The following DIAPH3 variants were observed in gnomAD, a reference collection of about 807,000 sequenced individuals.
DIAPH3 encodes diaphanous related formin 3.
A neutral mutation model predicts 144.3 loss-of-function variants in DIAPH3; 117 were observed. The ratio of observed to expected loss-of-function variants is 0.81; its 90% CI spans 0.70 to 0.95. The LOEUF is 0.95. Among genes scored for constraint, DIAPH3 ranks in the 40% least tolerant of loss-of-function variants. DIAPH3 has a pLI of 0.00. For synonymous variants in DIAPH3, 519 were observed against 488.9 expected (o/e 1.06, Z -0.81); for missense variants, 1,421 against 1,412.7 (o/e 1.01, Z -0.09).
chr13:60,111,901 A>C, intron 3 of DIAPH3, 109 bp downstream of exon 3: 2 of 1,059,512 alleles, frequency 1.9e-6, no homozygotes, highest in Non-Finnish European at 2.8e-6. Context: ...AAGTGACATC[A>C]GAAATTAGCC....
chr13:59,826,506 A>C (rs2139675775), intron 24 of DIAPH3, among the ~76,000 whole-genome samples: 1 of 150,584 alleles, frequency 6.6e-6, no homozygotes, highest in South Asian at 2.1e-4. Flanking sequence ...GGAGAACTAC[A>C]AACCACTGCT....
At chr13:59,816,164 G>A (rs1345975887) in intron 24 of DIAPH3, among the ~76,000 whole-genome samples, 1 of 151,836 alleles carries the variant, frequency 6.6e-6, no homozygotes. Context: ...AACTCAATTT[G>A]GACAGGAAGA....
intron 22 of DIAPH3, among the ~76,000 whole-genome samples, chr13:59,847,320 G>A (rs2042699674): frequency 1.3e-5 from 2 of 152,146 alleles, no homozygotes; most frequent in African/African-American, 4.8e-5. Context: ...GCCTTCATCT[G>A]CTATGGAACA....
chr13:59,950,132 TAATATTTTAA>T (rs1014931699), intron 17 of DIAPH3, among the ~76,000 whole-genome samples: 6 of 102,936 alleles, frequency 5.8e-5, no homozygotes, highest in African/African-American at 1.9e-4. Context: ...TGTGACAATA[TAATATTTTAA>T]TTTATTTATA....
intron 27 of DIAPH3, among the ~76,000 whole-genome samples, chr13:59,740,405 A>G (rs2036387989): frequency 6.6e-6 from 1 of 152,194 alleles, no homozygotes; most frequent in African/African-American, 2.4e-5. Flanking sequence ...TAAGAGTTAA[A>G]TAAGATAATA....
Position 59,686,512 on chromosome 13 carries a change from G to GAA in DIAPH3, c.3320-19668_3320-19667dup, listed in dbSNP as rs147211642. Among the ~76,000 whole-genome samples the GAA allele has an allele frequency of 6.9e-5, 10 of 144,588 alleles. No homozygotes were observed. In the East Asian group the frequency reaches 1.2e-3, roughly 17 times the overall value. 94.9% of individuals were successfully genotyped at this position (144,588 alleles called of 152,430 possible). A position where few individuals can be genotyped will look rare whatever the true frequency, so the allele number is the denominator to read the frequency against. ...TAAGAAAGCACTTTGGGCTCTTCAG[G>GAA]AAAAAAAAAAAAGTACTGCTATTTA... is the stretch of plus-strand genomic sequence containing the variant. On this transcript the variant is annotated intron_variant, in intron 27 of 27. Coordinates refer to ENST00000400324, the MANE Select transcript of DIAPH3 (RefSeq NM_001042517.2).
chr13:59,743,428 A>C (rs1228709140), intron 27 of DIAPH3, among the ~76,000 whole-genome samples: 1 of 152,040 alleles, frequency 6.6e-6, no homozygotes, highest in Admixed American at 6.5e-5. Context: ...TGGGGGAGCA[A>C]GTTGGGTTGG....
chr13:59,969,322 T>C (rs1254220218), intron 17 of DIAPH3, among the ~76,000 whole-genome samples: 3 of 152,238 alleles, frequency 2.0e-5, no homozygotes, highest in African/African-American at 7.2e-5. Context: ...GAAGACATTA[T>C]AAATCTGATA....
chr13:60,143,041 G>A (rs1039609351), intron 1 of DIAPH3, among the ~76,000 whole-genome samples: 3 of 151,854 alleles, frequency 2.0e-5, no homozygotes, highest in Non-Finnish European at 4.4e-5. Context: ...TAAGGTGTGA[G>A]TCCACCTCAT....
intron 17 of DIAPH3, among the ~76,000 whole-genome samples, chr13:59,969,361 A>G (rs1387403950): frequency 2.0e-5 from 3 of 152,210 alleles, no homozygotes; most frequent in African/African-American, 7.2e-5. Context: ...CATAGCAATT[A>G]ATTAAATTAT....
At chr13:59,980,082 T>C (rs1172287067) in intron 14 of DIAPH3, among the ~76,000 whole-genome samples, 1 of 151,694 alleles carries the variant, frequency 6.6e-6, no homozygotes, top group East Asian at 1.9e-4. Flanking sequence ...ATGTCTGATT[T>C]TTCAAAACTC....
At chr13:59,773,436 A>G (rs1335181163) in intron 27 of DIAPH3, among the ~76,000 whole-genome samples, 2 of 152,206 alleles carry the variant, frequency 1.3e-5, no homozygotes, top group Non-Finnish European at 2.9e-5. Flanking sequence ...TTTTACATTT[A>G]TAAATCTGGC....
rs566664915 is a variant in DIAPH3, at chr13:60,118,607, G to T, written c.214-6421C>A. On this transcript the variant is annotated intron_variant, in intron 2 of 27. Transcript: ENST00000400324. Reference sequence around the variant, plus strand: ...AATCTTACACGACGCTTAAGAGGGGGTAAAAACCTAACAGCTAACATAGCT... The same window carrying T: ...AATCTTACACGACGCTTAAGAGGGGTTAAAAACCTAACAGCTAACATAGCT... Among the ~76,000 whole-genome samples, 14 of 152,278 alleles carry T rather than the reference G, an allele frequency of 9.2e-5. No individual in the cohort carries two copies. The South Asian group carries it at 2.9e-3, about 32-fold the overall frequency.
At chr13:59,869,704 T>TC (rs2044140748) in intron 21 of DIAPH3, among the ~76,000 whole-genome samples, 1 of 152,226 alleles carries the variant, frequency 6.6e-6, no homozygotes, top group Non-Finnish European at 1.5e-5. Context: ...CTGCTGTTTT[T>TC]CAAGTATCTT....
At chr13:59,856,848 T>C (rs2043284077) in intron 22 of DIAPH3, among the ~76,000 whole-genome samples, 1 of 151,970 alleles carries the variant, frequency 6.6e-6, no homozygotes, top group African/African-American at 2.4e-5. Flanking sequence ...CATAAATATT[T>C]CCACCACCAA....
intron 27 of DIAPH3, among the ~76,000 whole-genome samples, chr13:59,746,302 C>A (rs1292330146): frequency 6.6e-6 from 1 of 152,090 alleles, no homozygotes; most frequent in Non-Finnish European, 1.5e-5. Context: ...TAGCTCACTG[C>A]AACCTCTGCC....
intron 24 of DIAPH3, 181 bp downstream of exon 24, chr13:59,832,926 A>G: frequency 3.3e-6 from 2 of 597,918 alleles, no homozygotes; most frequent in Non-Finnish European, 5.9e-6. Context: ...TAATGTTGGA[A>G]AGGCCAAAAG....
At chr13:59,799,133 A>T (rs945456283) in intron 25 of DIAPH3, among the ~76,000 whole-genome samples, 1 of 152,076 alleles carries the variant, frequency 6.6e-6, no homozygotes, top group Non-Finnish European at 1.5e-5. Context: ...CAATTGTTCT[A>T]TTTGGTTACC....
intron 22 of DIAPH3, among the ~76,000 whole-genome samples, chr13:59,856,739 C>A (rs2043276101): frequency 6.6e-6 from 1 of 152,134 alleles, no homozygotes; most frequent in East Asian, 1.9e-4. Context: ...TATGAGGGAA[C>A]AGTACAGCTT....
Sources: gnomAD v4.1 joint callset for allele counts (sites outside exome capture counted in the v4.1 genomes callset) on GRCh38, gnomAD v4.1.1 for gene constraint, MANE v1.5 for transcripts, NCBI Gene and HGNC (gene_info 2026-07-23, HGNC 2026-07-21) for gene names.